The following DDB1 variants were observed in gnomAD, a reference collection of about 807,000 sequenced individuals.
DDB1 encodes damage specific DNA binding protein 1, also known as DNA damage-binding protein 1.
Under a neutral mutation model 133.1 loss-of-function variants are expected in DDB1, and 18 were observed. The observed-to-expected ratio is 0.14, with a 90% confidence interval of 0.09 to 0.20. The LOEUF is 0.20. Among genes scored for constraint, DDB1 ranks in the 10% least tolerant of loss-of-function variants. The pLI is 1.00. For missense variants in DDB1, 828 were observed against 1,459.2 expected, an observed-to-expected ratio of 0.57 and a Z score of 7.05; for synonymous variants, 580 against 550.5, an observed-to-expected ratio of 1.05 and a Z score of -0.75.
chr11:61,310,996 G>A (rs28720321), intron 18 of DDB1: 2,259 of 152,478 alleles, frequency 0.015, 30 homozygotes, highest in Non-Finnish European at 0.023. Flanking sequence ...GCTCACGCTT[G>A]TAATTCCAGC....
rs767406655 is a variant in DDB1 at position 61,302,733 on chromosome 11, C to T, written c.2961G>A (p.Glu987=). 6.2e-7 allele frequency: 1 copy of T among 1,614,240 alleles called. No homozygotes were observed. Among genetic ancestry groups the T allele is most frequent in the Non-Finnish European group, 8.5e-7 (1 of 1,180,036 alleles). Residue 987 remains glutamate (E), a synonymous_variant, in exon 24 of 27, where the codon GAG becomes GAA. Transcript: ENST00000301764. ...CQKDSAATTD[E]ERQHLQEVGL... is the part of the protein sequence containing the mutation. ...CAACCTCCTGGAGGTGCTGCCGCTCCTCGTCAGTGGTGGCAGCGCTGAAAG... is the reference window on the plus strand; with the variant it reads ...CAACCTCCTGGAGGTGCTGCCGCTCTTCGTCAGTGGTGGCAGCGCTGAAAG...
In DDB1 at chr11:61,321,927, C is replaced by G. The variant is rs1856186205; in HGVS notation, c.1123-230G>C. On this transcript the variant is annotated intron_variant, in intron 9 of 26. Transcript: ENST00000301764. ...AGCTTCTACCACTGCTCCTAGCAAG[C>G]TTGCTTAGATCGCTGGGACCTAGTT... 1.2e-5 allele frequency: 7 copies of G among 560,694 alleles called. No homozygotes were observed. In the South Asian group the frequency reaches 1.7e-4, roughly 14 times the overall value. 34.7% of individuals were successfully genotyped at this position (560,694 alleles called of 1,614,324 possible).
chr11:61,302,466 T>C (rs1374302841), intron 24 of DDB1, 107 bp from the exon 25 acceptor site: 1 of 1,572,098 alleles, frequency 6.4e-7, no homozygotes, highest in Non-Finnish European at 8.7e-7. Context: ...GCTAATGTGC[T>C]GCAGCCTCCT....
chr11:61,333,055 C>G lies in DDB1; in HGVS notation c.-87G>C. ...AAAAGACAGGTGGCCCCCAACAGCG[C>G]GCAGCGAACTCCACTGCCGCTGCCT... On this transcript the variant is annotated 5_prime_UTR_variant, in exon 1 of 27. Transcript: ENST00000301764. 7.9e-7 allele frequency: 1 copy of G among 1,265,548 alleles called. No homozygotes were observed. The highest frequency in any genetic ancestry group is 1.1e-6 in the Non-Finnish European group (1 of 943,394). The allele number at this position is 1,265,548 out of a possible 1,614,324, so 78.4% of individuals were successfully genotyped here.
chr11:61,322,423 A>G lies in DDB1; in HGVS notation c.1006-11T>C. 6.2e-7 allele frequency: 1 copy of G among 1,604,368 alleles called. No individual in the cohort carries two copies. Among genetic ancestry groups the G allele is most frequent in the South Asian group, 1.1e-5 (1 of 90,902 alleles). On this transcript the variant is annotated splice_polypyrimidine_tract_variant and intron_variant, in intron 8 of 26. Transcript: ENST00000301764. ...ACTGTCAACGTTGAGCTAATAAGAA[A>G]GAACAATGTTATGTTAGTCCTAGAA...
intron 24 of DDB1, 89 bp from the exon 25 acceptor site, chr11:61,302,448 C>T: frequency 6.4e-7 from 1 of 1,571,356 alleles, no homozygotes; most frequent in Non-Finnish European, 8.7e-7. Flanking sequence ...GTGAGCAGCT[C>T]AGGGAGGGCT....
intron 16 of DDB1, among the ~76,000 whole-genome samples, chr11:61,313,001 C>T (rs1856003691): frequency 6.6e-6 from 1 of 152,104 alleles, no homozygotes; most frequent in Admixed American, 6.5e-5. Flanking sequence ...TTATTAGAGA[C>T]AAGGTTTCAC....
intron 22 of DDB1, among the ~76,000 whole-genome samples, 170 bp downstream of exon 22, chr11:61,303,695 C>T (rs1384666725): frequency 2.6e-5 from 3 of 113,360 alleles, no homozygotes; most frequent in Admixed American, 9.7e-5. Flanking sequence ...AGCCAGACTG[C>T]GTCTCAAAAA....
intron 10 of DDB1, chr11:61,321,113 C>T (rs1856170628): frequency 6.5e-6 from 1 of 153,168 alleles, no homozygotes; most frequent in South Asian, 2.0e-4. Flanking sequence ...AACTCCTGGG[C>T]TTAAGCAATC....
At chr11:61,319,977 T>G (rs977881238) in intron 10 of DDB1, among the ~76,000 whole-genome samples, 1 of 151,480 alleles carries the variant, frequency 6.6e-6, no homozygotes, top group African/African-American at 2.5e-5. Flanking sequence ...TTAAATGTAC[T>G]CCTTGGTACT....
chr11:61,309,379 A>G (rs921562880), intron 20 of DDB1, among the ~76,000 whole-genome samples: 1 of 152,184 alleles, frequency 6.6e-6, no homozygotes, highest in Non-Finnish European at 1.5e-5. Flanking sequence ...CCGGGCTGAT[A>G]GTCTTTAGAG....
At chr11:61,328,708 T>C (rs1469142304) in intron 4 of DDB1, among the ~76,000 whole-genome samples, 3 of 152,092 alleles carry the variant, frequency 2.0e-5, no homozygotes, top group Non-Finnish European at 4.4e-5. Context: ...ACGTCTCTAC[T>C]AAAAATACAA....
chr11:61,302,513 CAG>C, intron 24 of DDB1, 67 bp downstream of exon 24: 15 of 1,602,310 alleles, frequency 9.4e-6, no homozygotes, highest in Non-Finnish European at 1.3e-5. Context: ...TTGCTCTCCC[CAG>C]TCCCTCAGAA....
intron 8 of DDB1, chr11:61,322,687 G>T (rs1327992037): frequency 1.9e-6 from 1 of 537,746 alleles, no homozygotes; most frequent in African/African-American, 1.9e-5. Flanking sequence ...ATGTTTGCAT[G>T]CATTTTTCTG....
intron 9 of DDB1, 180 bp downstream of exon 9, chr11:61,322,116 A>AG (rs1448314391): frequency 3.1e-6 from 2 of 637,470 alleles, no homozygotes; most frequent in Non-Finnish European, 5.6e-6. Context: ...ATGTATATAA[A>AG]GTGCCTGGCA....
chr11:61,307,167 T>G (rs1855893480), intron 21 of DDB1, among the ~76,000 whole-genome samples: 1 of 152,236 alleles, frequency 6.6e-6, no homozygotes, highest in African/African-American at 2.4e-5. Context: ...CATGCAGCAG[T>G]GTTTCCCAGC....
At chr11:61,314,268 A>C (rs879456768) in intron 13 of DDB1, 40 bp downstream of exon 13, 3 of 1,595,668 alleles carry the variant, frequency 1.9e-6, no homozygotes, top group Non-Finnish European at 2.6e-6. Context: ...AGTCCTAGAG[A>C]AAAGAGGAGG....
At chr11:61,323,913 C>G (rs984270547) in intron 7 of DDB1, 66 bp downstream of exon 7, 45 of 1,570,166 alleles carry the variant, frequency 2.9e-5, no homozygotes, top group Non-Finnish European at 3.6e-5. Context: ...AGGTGTGGGA[C>G]CACACATTTG....
intron 10 of DDB1, 96 bp downstream of exon 10, chr11:61,321,499 C>T (rs1225817326): frequency 1.9e-6 from 2 of 1,026,558 alleles, no homozygotes; most frequent in East Asian, 2.4e-5. Flanking sequence ...ACTTGATCTG[C>T]TTTCCTCTGG....
Sources: gnomAD v4.1 joint callset for allele counts (sites outside exome capture counted in the v4.1 genomes callset) on GRCh38, gnomAD v4.1.1 for gene constraint, MANE v1.5 for transcripts, NCBI Gene and HGNC (gene_info 2026-07-23, HGNC 2026-07-21) for gene names.